The following PAX5 variants were observed in gnomAD, a reference collection of about 807,000 sequenced individuals.
The protein encoded by PAX5 is paired box 5, also known as paired box protein Pax-5.
PAX5 carries 9 observed loss-of-function variants against 43.7 expected under a neutral mutation model. That is an observed-to-expected ratio of 0.21 (90% CI 0.12 to 0.36). The LOEUF is 0.36. Ranked by LOEUF, PAX5 falls within the 10% of genes least tolerant of loss-of-function variation. The pLI is 1.00. For synonymous variants in PAX5, 228 were observed against 214.3 expected, an observed-to-expected ratio of 1.06 and a Z score of -0.56; for missense variants, 383 against 532.7, an observed-to-expected ratio of 0.72 and a Z score of 2.77.
intron 7 of PAX5, among the ~76,000 whole-genome samples, chr9:36,898,150 G>A (rs928489554): frequency 2.6e-5 from 4 of 152,182 alleles, no homozygotes; most frequent in African/African-American, 9.7e-5. Context: ...GAGGAACAAG[G>A]CAGTCTTCTG....
intron 7 of PAX5, 66 bp downstream of exon 7, chr9:36,923,284 ACTCTT>A: frequency 6.5e-7 from 1 of 1,536,630 alleles, no homozygotes; most frequent in Admixed American, 1.9e-5. Flanking sequence ...CCAAGAAGCC[ACTCTT>A]CCCACCACAC....
intron 5 of PAX5, among the ~76,000 whole-genome samples, chr9:37,001,639 C>T (rs1248159127): frequency 6.6e-6 from 1 of 152,180 alleles, no homozygotes; most frequent in African/African-American, 2.4e-5. Context: ...CAGGCCAATC[C>T]ACGGCTGGGC....
At chr9:36,895,741 G>C (rs1436221931) in intron 7 of PAX5, among the ~76,000 whole-genome samples, 1 of 152,214 alleles carries the variant, frequency 6.6e-6, no homozygotes, top group African/African-American at 2.4e-5. Flanking sequence ...GGCAGAAAAT[G>C]TGACAGGTTG....
At chr9:36,906,042 G>A (rs959080423) in intron 7 of PAX5, among the ~76,000 whole-genome samples, 3 of 152,150 alleles carry the variant, frequency 2.0e-5, no homozygotes, top group African/African-American at 7.2e-5. Flanking sequence ...AGCAAAAGAG[G>A]TGCCCAGTGC....
intron 7 of PAX5, among the ~76,000 whole-genome samples, chr9:36,910,141 G>T (rs1426473129): frequency 1.3e-5 from 2 of 152,054 alleles, no homozygotes; most frequent in African/African-American, 4.8e-5. Context: ...ATGTTGATAA[G>T]GTTCAAAAAA....
At chr9:36,976,987 C>A (rs1835490664) in intron 5 of PAX5, among the ~76,000 whole-genome samples, 1 of 152,180 alleles carries the variant, frequency 6.6e-6, no homozygotes, top group African/African-American at 2.4e-5. Flanking sequence ...GGTATCTGGC[C>A]CTGCCCTTCC....
At chr9:36,939,119 A>G (rs1831809009) in intron 6 of PAX5, among the ~76,000 whole-genome samples, 2 of 152,212 alleles carry the variant, frequency 1.3e-5, no homozygotes, top group Non-Finnish European at 1.5e-5. Context: ...GAGTATGTAC[A>G]TTCTGTCACC....
In PAX5 at chr9:37,034,247, AC is replaced by A; in HGVS notation, c.-217del. The stretch of plus-strand genomic sequence containing the variant: ...AGGTGGAAAAAAAGCGTCCGAAGGC[AC>A]CGTGAAATGATTAAGGAACTAAAGA... On this transcript the variant is annotated 5_prime_UTR_variant, in exon 1 of 10. Coordinates refer to ENST00000358127, the MANE Select transcript of PAX5 (RefSeq NM_016734.3). 1.8e-6 allele frequency: 1 copy of A among 557,030 alleles called. No individual in the cohort carries two copies. The allele number at this position is 557,030 out of a possible 1,614,324, so 34.5% of individuals were successfully genotyped here. A position where few individuals can be genotyped will look rare whatever the true frequency, so the allele number is the denominator to read the frequency against.
intron 6 of PAX5, among the ~76,000 whole-genome samples, chr9:36,932,555 C>T (rs1831214757): frequency 6.6e-6 from 1 of 152,118 alleles, no homozygotes; most frequent in Non-Finnish European, 1.5e-5. Flanking sequence ...CCATGATTGG[C>T]TGGAGATGGG....
intron 8 of PAX5, among the ~76,000 whole-genome samples, chr9:36,859,878 C>CA (rs978064969): frequency 7.9e-5 from 12 of 151,158 alleles, no homozygotes; most frequent in South Asian, 4.2e-4. Flanking sequence ...ACTAAAAATA[C>CA]AAAAAAATTA....
At chr9:36,962,302 C>T (rs964055699) in intron 6 of PAX5, among the ~76,000 whole-genome samples, 10 of 152,330 alleles carry the variant, frequency 6.6e-5, no homozygotes, top group African/African-American at 2.4e-4. Flanking sequence ...TGGAATCGTC[C>T]TGGACCTGGA....
rs1821606547 is a variant in PAX5, at chr9:36,835,868, T to G, written c.*4692A>C. 1.3e-5 allele frequency: 3 copies of G among 233,540 alleles called. No homozygotes were observed. The East Asian group carries it at 1.8e-4, about 14-fold the overall frequency. The allele number at this position is 233,540 out of a possible 1,614,324, so 14.5% of individuals were successfully genotyped here. ...CACCCATGCCTGCCTGGGCCTGGCC[T>G]GGCCGTGGGGCAGGAGTTGGTTTCC... On this transcript the variant is annotated 3_prime_UTR_variant, in exon 10 of 10. Transcript: ENST00000358127.
chr9:36,873,201 A>G (rs1825637848), intron 8 of PAX5, among the ~76,000 whole-genome samples: 1 of 152,180 alleles, frequency 6.6e-6, no homozygotes, highest in Admixed American at 6.5e-5. Context: ...CACACTTTAT[A>G]GATTCCTAGG....
intron 5 of PAX5, among the ~76,000 whole-genome samples, chr9:36,981,616 C>G (rs1273050378): frequency 6.6e-6 from 1 of 152,180 alleles, no homozygotes; most frequent in African/African-American, 2.4e-5. Flanking sequence ...ACAGTGGGGT[C>G]TCCCAGGCCT....
chr9:36,898,840 C>G lies in PAX5; in HGVS notation c.911-16735G>C, dbSNP rs1828114144. Among the ~76,000 whole-genome samples, 3 of 152,110 alleles carry G rather than the reference C, an allele frequency of 2.0e-5. No homozygotes were observed. In the South Asian group the frequency reaches 6.2e-4, roughly 32 times the overall value. ...CCGGACATCCTGGCACCCACTGGCCCAGCCTCTCCCACTAACACCCCTGGG... is the reference window on the plus strand; with the variant it reads ...CCGGACATCCTGGCACCCACTGGCCGAGCCTCTCCCACTAACACCCCTGGG... On this transcript the variant is annotated intron_variant, in intron 7 of 9. Coordinates refer to ENST00000358127, the MANE Select transcript of PAX5 (RefSeq NM_016734.3).
chr9:36,834,674 T>C lies in PAX5; in HGVS notation c.*5886A>G. The C allele has an allele frequency of 4.3e-6, 1 of 233,312 alleles. No individual in the cohort carries two copies. The highest frequency in any genetic ancestry group is 8.5e-6 in the Non-Finnish European group (1 of 118,052). 14.5% of individuals were successfully genotyped at this position (233,312 alleles called of 1,614,324 possible). A position where few individuals can be genotyped will look rare whatever the true frequency, so the allele number is the denominator to read the frequency against. Reference sequence around the variant, plus strand: ...GCTTGAAAAGAAGGGCGCCATTAAATGGTTTCCTTTCTGTTCCACTCCAAG... The same window carrying C: ...GCTTGAAAAGAAGGGCGCCATTAAACGGTTTCCTTTCTGTTCCACTCCAAG... On this transcript the variant is annotated 3_prime_UTR_variant, in exon 10 of 10. Transcript: ENST00000358127.
At chr9:36,955,770 CAAAAAA>C (rs67265503) in intron 6 of PAX5, among the ~76,000 whole-genome samples, 1 of 136,522 alleles carries the variant, frequency 7.3e-6, no homozygotes, top group Non-Finnish European at 1.6e-5. Context: ...CTTTTTGTTT[CAAAAAA>C]AAAAAAATAT....
At chr9:36,896,622 C>T (rs765402749) in intron 7 of PAX5, among the ~76,000 whole-genome samples, 149 of 152,302 alleles carry the variant, frequency 9.8e-4, no homozygotes, top group Admixed American at 1.2e-3. Flanking sequence ...CAGGGCCGAA[C>T]TATCTCACAG....
chr9:37,007,020 G>T (rs964448274), intron 3 of PAX5, among the ~76,000 whole-genome samples: 2 of 152,128 alleles, frequency 1.3e-5, no homozygotes, highest in African/African-American at 4.8e-5. Context: ...CCTAGAGAAC[G>T]CATAAGGAGG....
Sources: gnomAD v4.1 joint callset for allele counts (sites outside exome capture counted in the v4.1 genomes callset) on GRCh38, gnomAD v4.1.1 for gene constraint, MANE v1.5 for transcripts, NCBI Gene and HGNC (gene_info 2026-07-23, HGNC 2026-07-21) for gene names.